Variants in MLLT3 observed in about 807,000 individuals in gnomAD.
MLLT3 encodes the protein protein AF-9.
MLLT3 carries 4 observed loss-of-function variants against 53.2 expected under a neutral mutation model. The ratio of observed to expected loss-of-function variants is 0.08; its 90% CI spans 0.04 to 0.17. The LOEUF is 0.17. Among genes scored for constraint, MLLT3 ranks in the 10% least tolerant of loss-of-function variants. The probability of loss-of-function intolerance (pLI) is 1.00; values close to 1 mark genes in which losing one functional copy is unlikely to be tolerated. For synonymous variants in MLLT3, 283 were observed against 230.6 expected, an observed-to-expected ratio of 1.23 and a Z score of -2.06; for missense variants, 569 against 684.0, an observed-to-expected ratio of 0.83 and a Z score of 1.87.
intron 5 of MLLT3, among the ~76,000 whole-genome samples, chr9:20,394,716 G>C (rs999964222): frequency 1.3e-5 from 2 of 152,082 alleles, no homozygotes; most frequent in Non-Finnish European, 2.9e-5. Flanking sequence ...GATACACTTT[G>C]TAACAAACAT....
chr9:20,359,494 T>C (rs1482035937), intron 8 of MLLT3, among the ~76,000 whole-genome samples: 1 of 152,206 alleles, frequency 6.6e-6, no homozygotes, highest in Non-Finnish European at 1.5e-5. Flanking sequence ...GATTTTAATG[T>C]AGGACACAAA....
chr9:20,402,289 A>G (rs1231044706), intron 5 of MLLT3, among the ~76,000 whole-genome samples: 1 of 152,166 alleles, frequency 6.6e-6, no homozygotes, highest in Non-Finnish European at 1.5e-5. Context: ...CCAGACCACA[A>G]TGGGTTGAGG....
At chr9:20,526,473 A>T (rs1297652295) in intron 2 of MLLT3, among the ~76,000 whole-genome samples, 1 of 152,218 alleles carries the variant, frequency 6.6e-6, no homozygotes, top group Non-Finnish European at 1.5e-5. Flanking sequence ...GCTTATGCAT[A>T]GAATACACAT....
chr9:20,375,777 T>A (rs1261536875), intron 5 of MLLT3, among the ~76,000 whole-genome samples: 1 of 151,296 alleles, frequency 6.6e-6, no homozygotes, highest in Non-Finnish European at 1.5e-5. Flanking sequence ...CCCGGCTAGG[T>A]TTTTGTATTT....
intron 10 of MLLT3, among the ~76,000 whole-genome samples, chr9:20,353,223 C>T (rs1000695857): frequency 5.2e-4 from 79 of 152,170 alleles, no homozygotes; most frequent in African/African-American, 1.8e-3. Flanking sequence ...TCTACTGTCC[C>T]CTCCCTGAGC....
At chr9:20,526,750 C>T (rs186548556) in intron 2 of MLLT3, among the ~76,000 whole-genome samples, 80 of 152,310 alleles carry the variant, frequency 5.3e-4, no homozygotes, top group Non-Finnish European at 5.1e-4. Flanking sequence ...TAAGTGCTCA[C>T]ATCAATTTAC....
In MLLT3 at chr9:20,414,529, T is replaced by C. The variant is rs1039478511; in HGVS notation, c.421-104A>G. Reference sequence around the variant, plus strand: ...TCCTTCTTTGATTCCTCTCAAGCTATCATTAAAATACCAAAAATATTTTAA... The same window carrying C: ...TCCTTCTTTGATTCCTCTCAAGCTACCATTAAAATACCAAAAATATTTTAA... On this transcript the variant is annotated intron_variant, in intron 4 of 10. Transcript: ENST00000380338. 3.3e-6 allele frequency: 5 copies of C among 1,519,976 alleles called. No homozygotes were observed. In the African/African-American group the frequency reaches 6.9e-5, roughly 21 times the overall value. 94.2% of individuals were successfully genotyped at this position (1,519,976 alleles called of 1,614,324 possible). A position where few individuals can be genotyped will look rare whatever the true frequency, so the allele number is the denominator to read the frequency against.
chr9:20,495,631 A>G (rs922657014), intron 2 of MLLT3, among the ~76,000 whole-genome samples: 1 of 152,188 alleles, frequency 6.6e-6, no homozygotes, highest in Non-Finnish European at 1.5e-5. Context: ...ATTTTTTAAT[A>G]ACATACTGAA....
chr9:20,502,273 C>G (rs938075773), intron 2 of MLLT3: 1 of 154,158 alleles, frequency 6.5e-6, no homozygotes, highest in African/African-American at 2.4e-5. Context: ...AGGTGCCTAC[C>G]TTGTTAGCCT....
chr9:20,347,893 C>T (rs955756904), intron 10 of MLLT3, among the ~76,000 whole-genome samples: 5 of 152,190 alleles, frequency 3.3e-5, no homozygotes, highest in African/African-American at 4.8e-5. Context: ...CGCTGAGTAA[C>T]AGCAGAACTG....
At position 20,360,745 on chromosome 9, in the gene MLLT3, G is replaced by A. The variant is rs1338951384; in HGVS notation, c.1428C>T (p.Asn476=). ...PPPPLLKTNN[N]QILEVKSPIK... Reference sequence around the variant, plus strand: ...AAGTGCAAACCCCACAATTTACCTGGTTGTTGTTGGTTTTTAGTAAGGGTG... The same window carrying A: ...AAGTGCAAACCCCACAATTTACCTGATTGTTGTTGGTTTTTAGTAAGGGTG... The change falls in exon 8 of 11, where the codon AAC becomes AAT. Residue 476 remains asparagine (N), a synonymous_variant. Transcript: ENST00000380338. 6.2e-7 allele frequency: 1 copy of A among 1,613,234 alleles called. No individual in the cohort carries two copies. Among genetic ancestry groups the A allele is most frequent in the African/African-American group, 1.3e-5 (1 of 75,024 alleles).
At chr9:20,584,174 A>G (rs1317222127) in intron 2 of MLLT3, among the ~76,000 whole-genome samples, 1 of 152,226 alleles carries the variant, frequency 6.6e-6, no homozygotes, top group Non-Finnish European at 1.5e-5. Flanking sequence ...TCTCTCTGCT[A>G]AAACGTAACA....
In MLLT3 at chr9:20,346,683, T is replaced by C. The variant is rs1025485030; in HGVS notation, c.1576-109A>G. 8 of 1,064,236 alleles carry C rather than the reference T, an allele frequency of 7.5e-6. No individual in the cohort carries two copies. The African/African-American group carries it at 1.1e-4, about 15-fold the overall frequency. The allele number at this position is 1,064,236 out of a possible 1,614,324, so 65.9% of individuals were successfully genotyped here. A position where few individuals can be genotyped will look rare whatever the true frequency, so the allele number is the denominator to read the frequency against. ...TATGGAATCAAGTGATAAATATTCG[T>C]ATTTATAGCAACAAGGTCCCATACC... is the stretch of plus-strand genomic sequence containing the variant. On this transcript the variant is annotated intron_variant, in intron 10 of 10. Transcript: ENST00000380338.
intron 5 of MLLT3, chr9:20,382,568 C>T (rs953493593): frequency 4.6e-5 from 7 of 151,856 alleles, no homozygotes; most frequent in African/African-American, 1.7e-4. Flanking sequence ...GTCATGACTT[C>T]CCAATTGCTC....
At chr9:20,603,497 A>G (rs1820487909) in intron 2 of MLLT3, among the ~76,000 whole-genome samples, 1 of 152,122 alleles carries the variant, frequency 6.6e-6, no homozygotes, top group South Asian at 2.1e-4. Context: ...AATGTGAGTG[A>G]TAAAAATGCA....
At chr9:20,508,929 T>C (rs1385537188) in intron 2 of MLLT3, among the ~76,000 whole-genome samples, 6 of 152,220 alleles carry the variant, frequency 3.9e-5, no homozygotes, top group Non-Finnish European at 7.4e-5. Context: ...GATTTCATTT[T>C]AAATAATTTC....
chr9:20,555,959 C>A (rs1819046440), intron 2 of MLLT3, among the ~76,000 whole-genome samples: 1 of 152,184 alleles, frequency 6.6e-6, no homozygotes, highest in South Asian at 2.1e-4. Context: ...CATATAACTT[C>A]AGAAAAACTC....
At chr9:20,392,279 C>T (rs1217280802) in intron 5 of MLLT3, among the ~76,000 whole-genome samples, 1 of 152,176 alleles carries the variant, frequency 6.6e-6, no homozygotes, top group Non-Finnish European at 1.5e-5. Flanking sequence ...AGAGATTGCC[C>T]TCTGAACTAT....
intron 2 of MLLT3, among the ~76,000 whole-genome samples, chr9:20,533,805 C>G (rs9695117): frequency 0.44 from 67,386 of 152,092 alleles, 15,606 homozygotes; most frequent in East Asian, 0.68. Flanking sequence ...GACACAGAAA[C>G]ACAAACACTG....
Sources: allele counts gnomAD v4.1 joint callset (sites outside exome capture counted in the v4.1 genomes callset), GRCh38; gene constraint gnomAD v4.1.1; transcripts MANE v1.5; gene names NCBI Gene and HGNC (gene_info 2026-07-23, HGNC 2026-07-21).